JPH2: variants seen among roughly 807,000 people sequenced by gnomAD.
The protein encoded by JPH2 is junctophilin-2.
A neutral mutation model predicts 55.9 loss-of-function variants in JPH2; 38 were observed. That is an observed-to-expected ratio of 0.68 (90% confidence interval 0.52 to 0.89). JPH2 has a LOEUF of 0.89. Ranked by LOEUF, JPH2 falls within the 40% of genes least tolerant of loss-of-function variation. The pLI is 0.00. For synonymous variants in JPH2, 480 were observed against 472.4 expected (o/e 1.02, Z -0.21); for missense variants, 964 against 1,037.6 (o/e 0.93, Z 0.97).
chr20:44,186,246 G>T, intron 1 of JPH2, 81 bp downstream of exon 1: 1 of 1,506,618 alleles, frequency 6.6e-7, no homozygotes, highest in Non-Finnish European at 9.1e-7. Flanking sequence ...GCCAATTGCC[G>T]GTCGCCTTTC....
chr20:44,140,686 G>A (rs537419352), intron 2 of JPH2, among the ~76,000 whole-genome samples: 20 of 151,824 alleles, frequency 1.3e-4, no homozygotes, highest in Non-Finnish European at 2.4e-4. Flanking sequence ...TCTCCCTGGG[G>A]TGATCGCTGG....
At chr20:44,147,809 G>A (rs1167025288) in intron 2 of JPH2, among the ~76,000 whole-genome samples, 2 of 152,180 alleles carry the variant, frequency 1.3e-5, no homozygotes, top group African/African-American at 2.4e-5. Context: ...CAGAACATAC[G>A]ACTCGGGTCC....
Position 44,160,280 on chromosome 20 carries a change from C to T in JPH2, c.507G>A (p.Glu169=). The part of the protein sequence containing the change: ...LRTSLSSLRS[E]HSNGTVAPDS... The stretch of plus-strand genomic sequence containing the variant: ...CCGGGGCCACCGTGCCGTTGCTGTG[C>T]TCGCTGCGCAGGGACGACAGCGACG... Residue 169 remains glutamate, a synonymous_variant, in exon 2 of 6, where the codon GAG becomes GAA. Coordinates refer to ENST00000372980, the MANE Select transcript of JPH2 (RefSeq NM_020433.5). The surrounding 1 kb of genome is among the most constrained non-coding windows in gnomAD (Gnocchi z 4.9). The T allele has an allele frequency of 6.5e-7, 1 of 1,536,778 alleles. No homozygotes were observed.
At chr20:44,161,662 G>C (rs1427167574) in intron 1 of JPH2, among the ~76,000 whole-genome samples, 1 of 151,896 alleles carries the variant, frequency 6.6e-6, no homozygotes, top group Non-Finnish European at 1.5e-5. Flanking sequence ...GTGTGATACT[G>C]TGATTCTACA....
At chr20:44,142,584 C>G (rs2072465661) in intron 2 of JPH2, among the ~76,000 whole-genome samples, 1 of 152,226 alleles carries the variant, frequency 6.6e-6, no homozygotes, top group African/African-American at 2.4e-5. Flanking sequence ...CGTGTCTCTG[C>G]TTCAATTTCA....
intron 1 of JPH2, among the ~76,000 whole-genome samples, chr20:44,183,439 G>A (rs1290719279): frequency 2.6e-5 from 4 of 152,220 alleles, no homozygotes; most frequent in African/African-American, 4.8e-5. Context: ...CAGCGACCTC[G>A]TTAACTTCCA....
At position 44,123,360 on chromosome 20, in the gene JPH2, C is replaced by T. The variant is rs1002123120; in HGVS notation, c.1170-4737G>A. 2.6e-5 allele frequency among the ~76,000 whole-genome samples: 4 copies of T among 152,202 alleles called. No individual in the cohort carries two copies. The East Asian group carries it at 7.7e-4, about 29-fold the overall frequency. ...ACTCTTAGAACCCTCTGCCACTCCT[C>T]CTGCACCCCTTCCCATGGGTCTCCC... is the stretch of plus-strand genomic sequence containing the variant. On this transcript the variant is annotated intron_variant, in intron 2 of 5. Transcript: ENST00000372980.
At chr20:44,168,049 A>G (rs552657239) in intron 1 of JPH2, among the ~76,000 whole-genome samples, 79 of 152,322 alleles carry the variant, frequency 5.2e-4, no homozygotes, top group Admixed American at 4.8e-3. Flanking sequence ...GTTGAAGATT[A>G]AATAAACTGT....
At chr20:44,145,776 T>C (rs980774528) in intron 2 of JPH2, among the ~76,000 whole-genome samples, 1 of 152,098 alleles carries the variant, frequency 6.6e-6, no homozygotes, top group Non-Finnish European at 1.5e-5. Flanking sequence ...AGAGCCTCCC[T>C]CACCCTGCCT....
intron 2 of JPH2, among the ~76,000 whole-genome samples, chr20:44,132,109 C>T (rs982766889): frequency 6.6e-6 from 1 of 152,044 alleles, no homozygotes; most frequent in Non-Finnish European, 1.5e-5. Context: ...ATGGCATAGC[C>T]ATTTGAAGGA....
chr20:44,165,298 A>AC (rs1222433967), intron 1 of JPH2, among the ~76,000 whole-genome samples: 3 of 149,598 alleles, frequency 2.0e-5, no homozygotes, highest in Middle Eastern at 3.4e-3. Flanking sequence ...CAGGAAAAAA[A>AC]AAAACAAAAA....
chr20:44,126,165 AGGG>A (rs2072274633), intron 2 of JPH2, among the ~76,000 whole-genome samples: 1 of 44,234 alleles, frequency 2.3e-5, no homozygotes, highest in African/African-American at 9.1e-5. Flanking sequence ...GGAGGGAGGG[AGGG>A]AGGAAGGAAG....
rs1208286694 is a variant in JPH2 at position 44,133,962 on chromosome 20, TA to T, written c.1170-15340del. The stretch of plus-strand genomic sequence containing the variant: ...TATTATAAATATATATAAATAAATA[TA>T]TATTATAATATATAAATATATATTA... On this transcript the variant is annotated intron_variant, in intron 2 of 5. Coordinates refer to ENST00000372980, the MANE Select transcript of JPH2 (RefSeq NM_020433.5). 2.8e-4 allele frequency among the ~76,000 whole-genome samples: 14 copies of T among 49,492 alleles called. 3 individuals carry two copies. The highest frequency in any genetic ancestry group is 4.6e-4 in the African/African-American group (5 of 10,786). 32.5% of individuals were successfully genotyped at this position (49,492 alleles called of 152,430 possible).
At chr20:44,113,682 C>T (rs1041252904) in intron 5 of JPH2, among the ~76,000 whole-genome samples, 179 bp from the exon 6 acceptor site, 12 of 152,188 alleles carry the variant, frequency 7.9e-5, no homozygotes, top group Admixed American at 4.6e-4. Flanking sequence ...AACGGGTCCC[C>T]GAGGCCTCTC....
In JPH2 at chr20:44,106,682, C is replaced by T. The variant is rs1017287517; in HGVS notation, c.*6836G>A. On this transcript the variant is annotated 3_prime_UTR_variant, in exon 6 of 6. Transcript: ENST00000372980. ...GAAGACAAGGAGGAGCAAGTCACAT[C>T]TTACTAGATGGCAGCAGGCAAAGAG... 1.3e-5 allele frequency among the ~76,000 whole-genome samples: 2 copies of T among 152,150 alleles called. No individual in the cohort carries two copies. Among genetic ancestry groups the T allele is most frequent in the African/African-American group, 4.8e-5 (2 of 41,440 alleles).
At chr20:44,128,234 T>C (rs1416405476) in intron 2 of JPH2, among the ~76,000 whole-genome samples, 1 of 152,194 alleles carries the variant, frequency 6.6e-6, no homozygotes, top group Non-Finnish European at 1.5e-5. Flanking sequence ...ATGGTTTTAG[T>C]TCTTCTACTT....
intron 4 of JPH2, among the ~76,000 whole-genome samples, chr20:44,115,314 T>C (rs373461944): frequency 6.6e-6 from 1 of 152,102 alleles, no homozygotes; most frequent in East Asian, 1.9e-4. Flanking sequence ...CTACACCTTG[T>C]AGCAGATGCT....
At chr20:44,165,410 C>T (rs2072649299) in intron 1 of JPH2, among the ~76,000 whole-genome samples, 1 of 152,180 alleles carries the variant, frequency 6.6e-6, no homozygotes, top group Non-Finnish European at 1.5e-5. Flanking sequence ...ACCTCCACTT[C>T]GACTAGAGAG....
intron 2 of JPH2, among the ~76,000 whole-genome samples, chr20:44,148,363 T>C (rs897669116): frequency 1.3e-5 from 2 of 152,120 alleles, no homozygotes; most frequent in Non-Finnish European, 2.9e-5. Context: ...GTGGTGGGAC[T>C]GGAAATGGAT....
Sources: gnomAD v4.1 joint callset for allele counts (sites outside exome capture counted in the v4.1 genomes callset) on GRCh38, gnomAD v4.1.1 for gene constraint, Gnocchi (gnomAD v3.1) non-coding constraint, MANE v1.5 for transcripts, NCBI Gene and HGNC (gene_info 2026-07-23, HGNC 2026-07-21) for gene names.